Variants in SGMS1 observed in about 807,000 individuals in gnomAD.
The protein encoded by SGMS1 is phosphatidylcholine:ceramide cholinephosphotransferase 1.
In SGMS1, 13 loss-of-function variants were observed where a neutral mutation model predicts 46.2. That is an observed-to-expected ratio of 0.28 (90% CI 0.18 to 0.45). The LOEUF is 0.45. Among genes scored for constraint, SGMS1 ranks in the 20% least tolerant of loss-of-function variants. The pLI, the probability that SGMS1 is intolerant of heterozygous loss-of-function variation, is 1.00. For synonymous variants in SGMS1, 203 were observed against 187.8 expected (o/e 1.08, Z -0.66); for missense variants, 324 against 519.9 (o/e 0.62, Z 3.66).
chr10:50,458,339 C>CTTTTTTTTTTTTTTTTTT lies in SGMS1; in HGVS notation c.-313+2316_-313+2333dup, dbSNP rs750349777. On this transcript the variant is annotated intron_variant, in intron 5 of 10. Coordinates refer to ENST00000361781, the MANE Select transcript of SGMS1 (RefSeq NM_147156.4). ...TCTGGCTCTGCTATTTTCTTTTTCT[C>CTTTTTTTTTTTTTTTTTT]TTTTTTTTTTTTTTTTTTTTTTTTT... Among the ~76,000 whole-genome samples, 143 of 97,142 alleles carry CTTTTTTTTTTTTTTTTTT rather than the reference C, an allele frequency of 1.5e-3. 14 individuals carry two copies. The highest frequency in any genetic ancestry group is 2.0e-3 in the Non-Finnish European group (107 of 52,232). The allele number at this position is 97,142 out of a possible 152,430, so 63.7% of individuals were successfully genotyped here. A position where few individuals can be genotyped will look rare whatever the true frequency, so the allele number is the denominator to read the frequency against.
chr10:50,558,486 T>C (rs944909956), intron 2 of SGMS1, among the ~76,000 whole-genome samples: 3 of 152,120 alleles, frequency 2.0e-5, no homozygotes, highest in African/African-American at 7.2e-5. Flanking sequence ...AGCCAAACAT[T>C]ACAATGAAAA....
chr10:50,551,609 C>T (rs535986679), intron 2 of SGMS1, among the ~76,000 whole-genome samples: 108 of 151,986 alleles, frequency 7.1e-4, no homozygotes, highest in Non-Finnish European at 1.1e-3. Context: ...GTAGGGGAAA[C>T]TGGATCTGGG....
intron 5 of SGMS1, among the ~76,000 whole-genome samples, chr10:50,445,409 C>T (rs950233651): frequency 9.9e-5 from 15 of 152,128 alleles, no homozygotes; most frequent in Admixed American, 2.6e-4. Context: ...ACAAATGTTG[C>T]GGGAAGTCAG....
intron 3 of SGMS1, among the ~76,000 whole-genome samples, chr10:50,512,317 C>A (rs1189562175): frequency 6.6e-6 from 1 of 152,050 alleles, no homozygotes; most frequent in Non-Finnish European, 1.5e-5. Context: ...ACCAGACATA[C>A]CCTGAAGCAG....
chr10:50,583,145 G>A (rs1287654662), intron 2 of SGMS1, among the ~76,000 whole-genome samples: 1 of 152,118 alleles, frequency 6.6e-6, no homozygotes, highest in Admixed American at 6.5e-5. Context: ...GATACAAAGA[G>A]GTTAAGTAAT....
intron 2 of SGMS1, among the ~76,000 whole-genome samples, chr10:50,560,072 TATAG>T (rs1838220604): frequency 7.1e-6 from 1 of 141,540 alleles, no homozygotes; most frequent in East Asian, 2.0e-4. Context: ...TAATATAATA[TATAG>T]ACATATATTA....
chr10:50,561,302 C>G (rs1838234352), intron 2 of SGMS1, among the ~76,000 whole-genome samples: 1 of 152,214 alleles, frequency 6.6e-6, no homozygotes, highest in African/African-American at 2.4e-5. Context: ...AAGTAGGTAT[C>G]ACCACCCTCA....
intron 2 of SGMS1, among the ~76,000 whole-genome samples, chr10:50,562,560 T>C (rs189992993): frequency 3.2e-4 from 48 of 152,316 alleles, no homozygotes; most frequent in Admixed American, 1.7e-3. Context: ...CACTCTTTTT[T>C]TGAGACGGAG....
intron 2 of SGMS1, among the ~76,000 whole-genome samples, chr10:50,540,884 A>G (rs1838045748): frequency 6.6e-6 from 1 of 152,210 alleles, no homozygotes; most frequent in African/African-American, 2.4e-5. Flanking sequence ...AAGAGGGTGG[A>G]AAAGAGTCAC....
chr10:50,609,180 A>G (rs761288059), intron 1 of SGMS1, among the ~76,000 whole-genome samples: 2 of 152,094 alleles, frequency 1.3e-5, no homozygotes, highest in Non-Finnish European at 2.9e-5. Flanking sequence ...CACATTGCCT[A>G]GGCTGGTCTC....
intron 3 of SGMS1, among the ~76,000 whole-genome samples, chr10:50,485,558 T>C (rs1346600925): frequency 6.6e-6 from 1 of 152,130 alleles, no homozygotes; most frequent in Non-Finnish European, 1.5e-5. Context: ...TTAAAATTCA[T>C]ATAGAACAAA....
intron 6 of SGMS1, among the ~76,000 whole-genome samples, chr10:50,368,419 C>A (rs994340223): frequency 6.6e-6 from 1 of 152,134 alleles, no homozygotes; most frequent in African/African-American, 2.4e-5. Context: ...TGCAATGGTG[C>A]GATCTTGGCT....
intron 6 of SGMS1, among the ~76,000 whole-genome samples, chr10:50,363,337 G>A (rs928539012): frequency 6.6e-6 from 1 of 152,156 alleles, no homozygotes; most frequent in Admixed American, 6.6e-5. Flanking sequence ...AGCCAGCAAA[G>A]GGGAAAGAAG....
intron 3 of SGMS1, among the ~76,000 whole-genome samples, chr10:50,477,534 T>G (rs1245770443): frequency 6.6e-6 from 1 of 152,150 alleles, no homozygotes; most frequent in African/African-American, 2.4e-5. Flanking sequence ...TGATCGTGTT[T>G]TGAAATGTGA....
At chr10:50,429,756 G>T (rs1849382392) in intron 6 of SGMS1, among the ~76,000 whole-genome samples, 1 of 148,458 alleles carries the variant, frequency 6.7e-6, no homozygotes. Flanking sequence ...CTTTTCTCAT[G>T]ACTTCAATTA....
intron 1 of SGMS1, among the ~76,000 whole-genome samples, chr10:50,622,466 C>T (rs1314344887): frequency 6.6e-6 from 1 of 152,182 alleles, no homozygotes; most frequent in African/African-American, 2.4e-5. Context: ...TTCGCCACTT[C>T]CACATCCAGG....
At chr10:50,403,700 T>C (rs1848972284) in intron 6 of SGMS1, among the ~76,000 whole-genome samples, 1 of 150,624 alleles carries the variant, frequency 6.6e-6, no homozygotes, top group Admixed American at 6.6e-5. Context: ...AGAGGCTCAA[T>C]ACACTGATGA....
At chr10:50,411,057 A>G (rs1849090892) in intron 6 of SGMS1, among the ~76,000 whole-genome samples, 1 of 152,222 alleles carries the variant, frequency 6.6e-6, no homozygotes, top group South Asian at 2.1e-4. Context: ...AGGTATATAT[A>G]GTACACATAC....
At chr10:50,367,290 T>C (rs547038930) in intron 6 of SGMS1, among the ~76,000 whole-genome samples, 3 of 152,250 alleles carry the variant, frequency 2.0e-5, no homozygotes, top group South Asian at 2.1e-4. Flanking sequence ...GTTTCAAAAT[T>C]AGCAACAACT....
Sources: allele counts gnomAD v4.1 joint callset (sites outside exome capture counted in the v4.1 genomes callset), GRCh38; gene constraint gnomAD v4.1.1; transcripts MANE v1.5; gene names NCBI Gene and HGNC (gene_info 2026-07-23, HGNC 2026-07-21).